The following EXOSC1 variants were observed in gnomAD, a reference collection of about 807,000 sequenced individuals.
The protein encoded by EXOSC1 is exosome component 1.
EXOSC1 carries 27 observed loss-of-function variants against 31.4 expected under a neutral mutation model. The observed-to-expected ratio is 0.86, with a 90% CI of 0.63 to 1.18. The LOEUF is 1.18. Ranked by LOEUF, EXOSC1 falls within the 50% of genes most tolerant of loss-of-function variation. EXOSC1 has a pLI of 0.00. For missense variants in EXOSC1, 228 were observed against 250.3 expected (o/e 0.91, Z 0.60); for synonymous variants, 84 against 89.5 (o/e 0.94, Z 0.35).
chr10:97,444,988 G>C (rs1294608441), intron 2 of EXOSC1: 1 of 152,206 alleles, frequency 6.6e-6, no homozygotes, highest in Non-Finnish European at 1.5e-5. Flanking sequence ...GATTTAAGCA[G>C]GGGAGAAGTC....
chr10:97,445,791 G>T lies in EXOSC1; in HGVS notation c.88C>A (p.His30Asn). The change falls in exon 2 of 8, where the codon CAC becomes AAC. Residue 30 changes from histidine (H) to asparagine (N), a missense_variant. His to Asn is a moderately conservative substitution (Grantham distance 68). Transcript: ENST00000370902. ...GSPGSGTYTR[H>N]GYIFSSLAGC... is the part of the protein sequence containing the mutation. ...GCAAGCGACGAAAAGATGTAGCCGT[G>T]GCGGGTGTAGGTGCCGCTGCCCGGG... The T allele has an allele frequency of 6.2e-7, 1 of 1,613,934 alleles. No individual in the cohort carries two copies. Among genetic ancestry groups the T allele is most frequent in the Non-Finnish European group, 8.5e-7 (1 of 1,179,908 alleles).
intron 4 of EXOSC1, 122 bp downstream of exon 4, chr10:97,441,049 G>T (rs1212299000): frequency 2.7e-6 from 2 of 747,092 alleles, no homozygotes; most frequent in Non-Finnish European, 4.4e-6. Flanking sequence ...AAAGCACAAA[G>T]AAGAAAGAAA....
intron 3 of EXOSC1, among the ~76,000 whole-genome samples, chr10:97,442,508 T>C (rs189298241): frequency 4.6e-5 from 7 of 152,282 alleles, no homozygotes; most frequent in Admixed American, 4.6e-4. Flanking sequence ...CTAATGTGAC[T>C]AAGGAAATCA....
chr10:97,445,778 A>G lies in EXOSC1; in HGVS notation c.101T>C (p.Phe34Ser). The G allele has an allele frequency of 2.5e-6, 4 of 1,613,920 alleles. No homozygotes were observed. Among genetic ancestry groups the G allele is most frequent in the Non-Finnish European group, 3.4e-6 (4 of 1,179,800 alleles). ...CATCAGACAGCCGGCAAGCGACGAAAAGATGTAGCCGTGGCGGGTGTAGGT... is the reference window on the plus strand; with the variant it reads ...CATCAGACAGCCGGCAAGCGACGAAGAGATGTAGCCGTGGCGGGTGTAGGT... ...SGTYTRHGYI[F>S]SSLAGCLMKS... The change falls in exon 2 of 8, where the codon TTT becomes TCT. Residue 34 changes from phenylalanine to serine, a missense_variant. Transcript: ENST00000370902.
At chr10:97,438,388 C>A (rs1442391432) in intron 5 of EXOSC1, among the ~76,000 whole-genome samples, 1 of 151,706 alleles carries the variant, frequency 6.6e-6, no homozygotes, top group East Asian at 1.9e-4. Context: ...CCTCAAACTC[C>A]TGGGCTCAAG....
At chr10:97,441,971 G>A (rs1313477927) in intron 3 of EXOSC1, among the ~76,000 whole-genome samples, 1 of 150,620 alleles carries the variant, frequency 6.6e-6, no homozygotes, top group African/African-American at 2.4e-5. Flanking sequence ...GAGGTCAGGA[G>A]TTCAGGACCA....
intron 3 of EXOSC1, among the ~76,000 whole-genome samples, chr10:97,441,758 G>A (rs947724927): frequency 2.0e-5 from 3 of 148,974 alleles, no homozygotes; most frequent in African/African-American, 7.4e-5. Flanking sequence ...CCAAAGTGCT[G>A]GGATTACAGG....
chr10:97,436,448 G>A lies in EXOSC1; in HGVS notation c.585C>T (p.Thr195=). Residue 195 remains threonine, a synonymous_variant, in exon 8 of 8, where the codon ACC becomes ACT. Transcript: ENST00000370902. ...CCATAGGGTAAAAAGTGGCTTCTTA[G>A]GTCTGCAAGAATTCGGGTTGTACTC... The part of the protein sequence containing the change: ...VARVQPEFLQ[T] 6.2e-7 allele frequency: 1 copy of A among 1,610,660 alleles called. No homozygotes were observed. Among genetic ancestry groups the A allele is most frequent in the Non-Finnish European group, 8.5e-7 (1 of 1,177,246 alleles).
intron 2 of EXOSC1, chr10:97,444,227 C>G (rs1845807086): frequency 6.6e-6 from 1 of 152,212 alleles, no homozygotes; most frequent in Non-Finnish European, 1.5e-5. Context: ...TGAATACTTG[C>G]AGAGTTTTCT....
At chr10:97,442,664 A>G (rs1215457521) in intron 3 of EXOSC1, among the ~76,000 whole-genome samples, 2 of 152,084 alleles carry the variant, frequency 1.3e-5, no homozygotes, top group African/African-American at 2.4e-5. Flanking sequence ...ATGTGCTACC[A>G]TGCCTGGCTA....
rs1229626103 is a variant in EXOSC1, at chr10:97,436,453, G to C, written c.580C>G (p.Gln194Glu). ...GGGTAAAAAGTGGCTTCTTAGGTCT[G>C]CAAGAATTCGGGTTGTACTCGGGCT... is the stretch of plus-strand genomic sequence containing the variant. ...KVARVQPEFL[Q>E]T The change falls in exon 8 of 8, where the codon CAG becomes GAG. Residue 194 changes from glutamine (Q) to glutamate (E), a missense_variant. Coordinates refer to ENST00000370902, the MANE Select transcript of EXOSC1 (RefSeq NM_016046.5). The C allele has an allele frequency of 6.2e-7, 1 of 1,611,822 alleles. No individual in the cohort carries two copies. Among genetic ancestry groups the C allele is most frequent in the Admixed American group, 1.7e-5 (1 of 59,860 alleles).
intron 3 of EXOSC1, 96 bp from the exon 4 acceptor site, chr10:97,441,355 C>A: frequency 2.2e-6 from 2 of 917,024 alleles, no homozygotes; most frequent in Non-Finnish European, 1.8e-6. Context: ...TCAGTGCAAG[C>A]AACCCTACTA....
intron 4 of EXOSC1, among the ~76,000 whole-genome samples, chr10:97,440,068 G>A (rs1371422856): frequency 6.6e-6 from 1 of 151,668 alleles, no homozygotes. Flanking sequence ...CGCCTCCCAG[G>A]TTCAAGTGAT....
chr10:97,438,635 G>A (rs769715699), intron 5 of EXOSC1, 35 bp downstream of exon 5: 62 of 1,597,824 alleles, frequency 3.9e-5, no homozygotes, highest in Non-Finnish European at 5.1e-5. Flanking sequence ...ATTGAGATAC[G>A]TAAAGCCATT....
chr10:97,436,652 C>G, intron 7 of EXOSC1, 101 bp from the exon 8 acceptor site: 1 of 1,084,906 alleles, frequency 9.2e-7, no homozygotes, highest in Non-Finnish European at 1.3e-6. Flanking sequence ...AAGCTTCCTA[C>G]TGAACCTCAA....
chr10:97,438,940 T>TG (rs1310086434), intron 4 of EXOSC1, among the ~76,000 whole-genome samples: 16 of 151,600 alleles, frequency 1.1e-4, no homozygotes, highest in African/African-American at 3.6e-4. Flanking sequence ...TTAGTAGAGA[T>TG]GGGGTTTCAC....
chr10:97,445,592 T>C, intron 2 of EXOSC1, 140 bp downstream of exon 2: 1 of 728,314 alleles, frequency 1.4e-6, no homozygotes, highest in Non-Finnish European at 2.2e-6. Flanking sequence ...ACAGCGGCGA[T>C]ACGGCTAGAA....
chr10:97,439,722 A>G (rs114975719), intron 4 of EXOSC1, among the ~76,000 whole-genome samples: 201 of 152,336 alleles, frequency 1.3e-3, no homozygotes, highest in African/African-American at 4.6e-3. Flanking sequence ...GGTCTGTGGA[A>G]AAACTGTCTT....
chr10:97,438,724 GA>G, intron 4 of EXOSC1, 21 bp from the exon 5 acceptor site: 1 of 1,404,616 alleles, frequency 7.1e-7, no homozygotes, highest in South Asian at 1.2e-5. Context: ...AGAATTAACA[GA>G]AAGATTAATT....
Sources: gnomAD v4.1 joint callset for allele counts (sites outside exome capture counted in the v4.1 genomes callset) on GRCh38, gnomAD v4.1.1 for gene constraint, MANE v1.5 for transcripts, NCBI Gene and HGNC (gene_info 2026-07-23, HGNC 2026-07-21) for gene names.